The following ACO1 variants were observed in gnomAD, a reference collection of about 807,000 sequenced individuals.
ACO1 encodes the protein aconitase 1.
In ACO1, 78 loss-of-function variants were observed where a neutral mutation model predicts 105.1. The ratio of observed to expected loss-of-function variants is 0.74; its 90% CI spans 0.62 to 0.90. ACO1 has a LOEUF of 0.90. Ranked by LOEUF, ACO1 falls within the 40% of genes least tolerant of loss-of-function variation. The pLI is 0.00. For synonymous variants in ACO1, 364 were observed against 397.4 expected, an observed-to-expected ratio of 0.92 and a Z score of 1.00; for missense variants, 965 against 1,111.1, an observed-to-expected ratio of 0.87 and a Z score of 1.87.
chr9:32,403,640 T>C (rs1274939259), intron 1 of ACO1, among the ~76,000 whole-genome samples: 2 of 152,208 alleles, frequency 1.3e-5, no homozygotes, highest in African/African-American at 4.8e-5. Context: ...AGATAATAAG[T>C]ACAAGTTAAC....
chr9:32,419,199 T>G (rs1198479638), intron 7 of ACO1, 22 bp downstream of exon 7: 1 of 1,542,074 alleles, frequency 6.5e-7, no homozygotes, highest in African/African-American at 1.4e-5. Context: ...CATCCTCTTC[T>G]GTGGTCTTGG....
At chr9:32,384,922 C>T (rs1435715759) in intron 1 of ACO1, among the ~76,000 whole-genome samples, 187 bp downstream of exon 1, 1 of 152,248 alleles carries the variant, frequency 6.6e-6, no homozygotes, top group African/African-American at 2.4e-5. Context: ...CGTCTCCACC[C>T]TGTCCCCAGT....
rs1822785031 is a variant in ACO1 at position 32,452,286 on chromosome 9, G to A, written c.*2175G>A. Reference sequence around the variant, plus strand: ...TTTGTATCCTCCCCAAAATTCAGGTGGTGAAACCTTAACCCCCCAGGTAAT... The same window carrying A: ...TTTGTATCCTCCCCAAAATTCAGGTAGTGAAACCTTAACCCCCCAGGTAAT... On this transcript the variant is annotated 3_prime_UTR_variant, in exon 21 of 21. Coordinates refer to ENST00000309951, the MANE Select transcript of ACO1 (RefSeq NM_002197.3). 1 of 152,268 alleles carries A rather than the reference G, an allele frequency of 6.6e-6. No homozygotes were observed. The highest frequency in any genetic ancestry group is 1.5e-5 in the Non-Finnish European group (1 of 68,112). The allele number at this position is 152,268 out of a possible 1,614,324, so 9.4% of individuals were successfully genotyped here.
At position 32,408,523 on chromosome 9, in the gene ACO1, C is replaced by T. The variant is rs372286488; in HGVS notation, c.276C>T (p.Pro92=). ...RVILQDFTGV[P]AVVDFAAMRD... ...CTCTTTCTTCTCTTAGGGGTGTGCCCGCTGTGGTTGACTTTGCTGCAATGC... is the reference window on the plus strand; with the variant it reads ...CTCTTTCTTCTCTTAGGGGTGTGCCTGCTGTGGTTGACTTTGCTGCAATGC... The change falls in exon 4 of 21, where the codon CCC becomes CCT. Residue 92 remains proline, a synonymous_variant. Coordinates refer to ENST00000309951, the MANE Select transcript of ACO1 (RefSeq NM_002197.3). The T allele has an allele frequency of 4.0e-4, 645 of 1,614,006 alleles. 11 individuals are homozygous for T. In the South Asian group the frequency reaches 6.0e-3, roughly 15 times the overall value.
intron 1 of ACO1, among the ~76,000 whole-genome samples, chr9:32,390,693 A>C (rs767592214): frequency 1.8e-4 from 28 of 152,372 alleles, no homozygotes; most frequent in Middle Eastern, 3.4e-3. Context: ...AGGACCAAGA[A>C]CATTTTCTTT....
At chr9:32,417,977 A>G (rs1821886893) in intron 4 of ACO1, 151 bp from the exon 5 acceptor site, 2 of 683,052 alleles carry the variant, frequency 2.9e-6, no homozygotes, top group Non-Finnish European at 5.0e-6. Context: ...TACCTCTCCT[A>G]TTCTGCATTG....
At position 32,418,129 on chromosome 9, in the gene ACO1, G is replaced by A. The variant is rs375356805; in HGVS notation, c.406G>A (p.Ala136Thr). Reference sequence around the variant, plus strand: ...ACATTTAATTTTTCTCTCTGACAGGGCAGACAGTTTACAGAAGAATCAAGA... The same window carrying A: ...ACATTTAATTTTTCTCTCTGACAGGACAGACAGTTTACAGAAGAATCAAGA... ...HSIQVDFNRR[A>T]DSLQKNQDLE... Residue 136 changes from alanine (A) to threonine (T), a missense_variant and splice_region_variant, in exon 5 of 21, where the codon GCA (alanine) becomes ACA (threonine). Physicochemically the swap from Ala to Thr is moderately conservative, Grantham distance 58. Coordinates refer to ENST00000309951, the MANE Select transcript of ACO1 (RefSeq NM_002197.3). 4 of 1,613,768 alleles carry A rather than the reference G, an allele frequency of 2.5e-6. No individual in the cohort carries two copies. Among genetic ancestry groups the A allele is most frequent in the African/African-American group, 1.3e-5 (1 of 74,892 alleles).
chr9:32,396,299 T>C (rs1468931256), intron 1 of ACO1, among the ~76,000 whole-genome samples: 1 of 152,164 alleles, frequency 6.6e-6, no homozygotes, highest in Non-Finnish European at 1.5e-5. Context: ...TTTATCAAAG[T>C]CCCTACTGTG....
rs1822732897 is a variant in ACO1 at position 32,450,257 on chromosome 9, C to T, written c.*146C>T. Reference sequence around the variant, plus strand: ...GAGCACTGAGGGTCTGGTGCCAATCCTGTAGGCACAAAACCAGAAGTTTCT... The same window carrying T: ...GAGCACTGAGGGTCTGGTGCCAATCTTGTAGGCACAAAACCAGAAGTTTCT... On this transcript the variant is annotated 3_prime_UTR_variant, in exon 21 of 21. Coordinates refer to ENST00000309951, the MANE Select transcript of ACO1 (RefSeq NM_002197.3). 1 of 750,864 alleles carries T rather than the reference C, an allele frequency of 1.3e-6. No individual in the cohort carries two copies. Among genetic ancestry groups the T allele is most frequent in the Admixed American group, 1.9e-5 (1 of 52,440 alleles). 46.5% of individuals were successfully genotyped at this position (750,864 alleles called of 1,614,324 possible).
rs1822793012 is a variant in ACO1 at position 32,452,655 on chromosome 9, C to G, written c.*2544C>G. On this transcript the variant is annotated 3_prime_UTR_variant, in exon 21 of 21. Coordinates refer to ENST00000309951, the MANE Select transcript of ACO1 (RefSeq NM_002197.3). ...TGGGTCCCTTACCTCCAAGTACACC[C>G]TCTGTCCTTTTCGGTAAAAATATCT... 1 of 152,126 alleles carries G rather than the reference C, an allele frequency of 6.6e-6. No individual in the cohort carries two copies. Among genetic ancestry groups the G allele is most frequent in the South Asian group, 2.1e-4 (1 of 4,828 alleles). The allele number at this position is 152,126 out of a possible 1,614,324, so 9.4% of individuals were successfully genotyped here.
At chr9:32,440,367 T>A in intron 18 of ACO1, 98 bp from the exon 19 acceptor site, 1 of 1,442,414 alleles carries the variant, frequency 6.9e-7, no homozygotes, top group Non-Finnish European at 9.5e-7. Context: ...TTTGGCCATC[T>A]GCAAACCCAT....
chr9:32,443,501 T>C (rs1249787640), intron 19 of ACO1, among the ~76,000 whole-genome samples: 1 of 152,202 alleles, frequency 6.6e-6, no homozygotes, highest in African/African-American at 2.4e-5. Flanking sequence ...ATTATCGATA[T>C]TCTAGACTTT....
intron 12 of ACO1, among the ~76,000 whole-genome samples, chr9:32,428,112 CAA>C (rs60470407): frequency 0.02 from 2,935 of 144,834 alleles, 97 homozygotes; most frequent in African/African-American, 0.069. Context: ...CCTGTTTCTA[CAA>C]AAAAAAAAAA....
In ACO1 at chr9:32,452,186, C is replaced by T. The variant is rs1209978326; in HGVS notation, c.*2075C>T. On this transcript the variant is annotated 3_prime_UTR_variant, in exon 21 of 21. Transcript: ENST00000309951. ...ATGGCTGAGAAAACAGACCTCCACC[C>T]TCTCAGCTCTCCATTACTGAGCAGC... 1 of 152,302 alleles carries T rather than the reference C, an allele frequency of 6.6e-6. No individual in the cohort carries two copies. The highest frequency in any genetic ancestry group is 1.5e-5 in the Non-Finnish European group (1 of 68,078). 9.4% of individuals were successfully genotyped at this position (152,302 alleles called of 1,614,324 possible).
rs187888730 is a variant in ACO1, at chr9:32,450,983, C to G, written c.*872C>G. 1 of 151,938 alleles carries G rather than the reference C, an allele frequency of 6.6e-6. No individual in the cohort carries two copies. The highest frequency in any genetic ancestry group is 2.4e-5 in the African/African-American group (1 of 41,376). 9.4% of individuals were successfully genotyped at this position (151,938 alleles called of 1,614,324 possible). A position where few individuals can be genotyped will look rare whatever the true frequency, so the allele number is the denominator to read the frequency against. On this transcript the variant is annotated 3_prime_UTR_variant, in exon 21 of 21. Coordinates refer to ENST00000309951, the MANE Select transcript of ACO1 (RefSeq NM_002197.3). The stretch of plus-strand genomic sequence containing the variant: ...CTCTATCAGAACTGTACGGGTATAA[C>G]GGAAATGTTTAGGAACCATTATGCT...
Position 32,452,095 on chromosome 9 carries a change from A to T in ACO1, c.*1984A>T, listed in dbSNP as rs1021692860. On this transcript the variant is annotated 3_prime_UTR_variant, in exon 21 of 21. Transcript: ENST00000309951. ...AAAAAAAAAATTACAAACAAACAGA[A>T]CTCCATTGTACAAAAAAACCTGTGA... 1 of 152,046 alleles carries T rather than the reference A, an allele frequency of 6.6e-6. No individual in the cohort carries two copies. Among genetic ancestry groups the T allele is most frequent in the Non-Finnish European group, 1.5e-5 (1 of 68,030 alleles). The allele number at this position is 152,046 out of a possible 1,614,324, so 9.4% of individuals were successfully genotyped here. A position where few individuals can be genotyped will look rare whatever the true frequency, so the allele number is the denominator to read the frequency against.
intron 1 of ACO1, among the ~76,000 whole-genome samples, chr9:32,385,200 C>G (rs915350634): frequency 6.6e-6 from 1 of 152,140 alleles, no homozygotes; most frequent in Non-Finnish European, 1.5e-5. Flanking sequence ...GGGAAGAGAC[C>G]CTTCGTGGGA....
At position 32,427,451 on chromosome 9, in the gene ACO1, T is replaced by G; in HGVS notation, c.1484+15T>G. ...TCTCAGCTTGGGTGAGGGAGAGTTT[T>G]CTTTTGCACCATTGCTTTTGTTGAA... On this transcript the variant is annotated intron_variant, in intron 12 of 20. Coordinates refer to ENST00000309951, the MANE Select transcript of ACO1 (RefSeq NM_002197.3). The G allele has an allele frequency of 6.2e-7, 1 of 1,614,158 alleles. No individual in the cohort carries two copies. The highest frequency in any genetic ancestry group is 1.1e-5 in the South Asian group (1 of 91,078).
chr9:32,445,643 T>C, intron 19 of ACO1: 1 of 257,892 alleles, frequency 3.9e-6, no homozygotes, highest in Non-Finnish European at 8.0e-6. Context: ...AGTTATTTCT[T>C]GCCTTCTGCT....
Sources: gnomAD v4.1 joint callset for allele counts (sites outside exome capture counted in the v4.1 genomes callset) on GRCh38, gnomAD v4.1.1 for gene constraint, MANE v1.5 for transcripts, NCBI Gene and HGNC (gene_info 2026-07-23, HGNC 2026-07-21) for gene names.